APOA5: variants seen among roughly 807,000 people sequenced by gnomAD.
APOA5 encodes apolipoprotein A5.
A neutral mutation model predicts 31.8 loss-of-function variants in APOA5; 26 were observed. That is an observed-to-expected ratio of 0.82 (90% CI 0.60 to 1.13). The LOEUF (loss-of-function observed/expected upper bound fraction) is 1.13. Ranked by LOEUF, APOA5 falls within the 50% of genes most tolerant of loss-of-function variation. The pLI is 0.00. For synonymous variants in APOA5, 186 were observed against 198.5 expected (o/e 0.94, Z 0.53); for missense variants, 450 against 488.0 (o/e 0.92, Z 0.73).
chr11:116,791,548 T>TCC (rs1426456014), intron 2 of APOA5, 38 bp downstream of exon 2: 27 of 1,558,664 alleles, frequency 1.7e-5, no homozygotes, highest in Non-Finnish European at 2.3e-5. Context: ...CCCAGCTGTC[T>TCC]CCTCCCTTCG....
In APOA5 at chr11:116,790,953, C is replaced by T. The variant is rs1197451972; in HGVS notation, c.276G>A (p.Met92Ile). The change falls in exon 3 of 3, where the codon ATG becomes ATA. Residue 92 changes from methionine to isoleucine, a missense_variant. By Grantham distance (10) the Met-to-Ile change is conservative. Transcript: ENST00000227665. ...APRLPQDPVG[M>I]RRQLQEELEE... ...CCAACTCCTCCTGCAGCTGCCGCCGCATGCCCACCGGGTCCTGTGGGAGCC... is the reference window on the plus strand; with the variant it reads ...CCAACTCCTCCTGCAGCTGCCGCCGTATGCCCACCGGGTCCTGTGGGAGCC... 2 of 1,613,276 alleles carry T rather than the reference C, an allele frequency of 1.2e-6. No homozygotes were observed. Among genetic ancestry groups the T allele is most frequent in the South Asian group, 2.2e-5 (2 of 91,078 alleles).
Position 116,790,285 on chromosome 11 carries a change from G to A in APOA5, c.944C>T (p.Ala315Val), listed in dbSNP as rs143292359. ...GGCACTGTGGCCTGGTGGAGGTGGC[G>A]CCAGCTGCTGCTGGACCTCCTCAGT... is the stretch of plus-strand genomic sequence containing the variant. ...QETEEVQQQL[A>V]PPPPGHSAFA... Residue 315 changes from alanine to valine, a missense_variant, in exon 3 of 3, where the codon GCG (alanine) becomes GTG (valine). By Grantham distance (64) the Ala-to-Val change is moderately conservative. Coordinates refer to ENST00000227665, the MANE Select transcript of APOA5 (RefSeq NM_001371904.1). 882 of 1,614,258 alleles carry A rather than the reference G, an allele frequency of 5.5e-4. 1 individual carries two copies. Among genetic ancestry groups the A allele is most frequent in the Non-Finnish European group, 5.9e-4 (693 of 1,180,042 alleles).
At position 116,789,845 on chromosome 11, in the gene APOA5, C is replaced by T. The variant is rs971816796; in HGVS notation, c.*283G>A. 1.9e-6 allele frequency: 1 copy of T among 528,708 alleles called. No homozygotes were observed. Among genetic ancestry groups the T allele is most frequent in the Middle Eastern group, 5.2e-4 (1 of 1,908 alleles). The allele number at this position is 528,708 out of a possible 1,614,324, so 32.8% of individuals were successfully genotyped here. On this transcript the variant is annotated 3_prime_UTR_variant, in exon 3 of 3. Coordinates refer to ENST00000227665, the MANE Select transcript of APOA5 (RefSeq NM_001371904.1). ...TCACCCACATGCATGGTGCCTCTCC[C>T]TCCCTACTCCCTCACCCTTGAATGG...
At chr11:116,792,253 G>A (rs919792171), upstream of APOA5, 67 of 333,384 alleles carry the variant, frequency 2.0e-4, 2 homozygotes, top group South Asian at 1.5e-3. Flanking sequence ...TAATGAGGGC[G>A]AAGAGGCAAC....
At chr11:116,791,557 C>G in intron 2 of APOA5, 29 bp downstream of exon 2, 1 of 1,572,612 alleles carries the variant, frequency 6.4e-7, no homozygotes, top group African/African-American at 1.4e-5. Flanking sequence ...CTCCTCCCTT[C>G]GCCTACACCC....
chr11:116,790,192 T>A lies in APOA5; in HGVS notation c.1037A>T (p.Asp346Val), dbSNP rs1290885600. The change falls in exon 3 of 3, where the codon GAC becomes GTC. Residue 346 changes from aspartate (D) to valine (V), a missense_variant. Coordinates refer to ENST00000227665, the MANE Select transcript of APOA5 (RefSeq NM_001371904.1). Reference protein sequence around the residue: ...VLSKLQARLDDLWEDITHSLH... With the variant: ...VLSKLQARLDVLWEDITHSLH... ...GCTGTGAGTGATGTCTTCCCACAGG[T>A]CATCCAGACGGGCCTGCAGCTTGCT... 1.2e-6 allele frequency: 2 copies of A among 1,614,226 alleles called. No homozygotes were observed. The highest frequency in any genetic ancestry group is 3.3e-5 in the Admixed American group (2 of 60,034).
Position 116,790,584 on chromosome 11 carries a change from C to A in APOA5, c.645G>T (p.Pro215=). 6.3e-7 allele frequency: 1 copy of A among 1,598,928 alleles called. No homozygotes were observed. Among genetic ancestry groups the A allele is most frequent in the Non-Finnish European group, 8.5e-7 (1 of 1,177,276 alleles). ...GGCGCGCGGGGCTGGCGGGGGCGTG[C>A]GGAGCCACACTGCGGTGCAGCTCCT... is the stretch of plus-strand genomic sequence containing the variant. ...HVQELHRSVA[P]HAPASPARLS... is the part of the protein sequence containing the mutation. The change falls in exon 3 of 3, where the codon CCG becomes CCT. Residue 215 remains proline (P), a synonymous_variant. Transcript: ENST00000227665.
In APOA5 at chr11:116,791,073, G is replaced by A; in HGVS notation, c.162-6C>T. The A allele has an allele frequency of 1.9e-6, 3 of 1,604,022 alleles. No individual in the cohort carries two copies. The highest frequency in any genetic ancestry group is 2.6e-6 in the Non-Finnish European group (3 of 1,175,990). On this transcript the variant is annotated splice_polypyrimidine_tract_variant and splice_region_variant and intron_variant, in intron 2 of 2. Transcript: ENST00000227665. ...CAAGGCTGTCTTTCAGGGTCCTGGA[G>A]AAGGGGACAGATATCCAGGCCGTCA...
At chr11:116,791,565 C>G in intron 2 of APOA5, 21 bp downstream of exon 2, 3 of 1,582,940 alleles carry the variant, frequency 1.9e-6, no homozygotes, top group Non-Finnish European at 2.6e-6. Context: ...TTCGCCTACA[C>G]CCCTTCCCCT....
intron 2 of APOA5, 71 bp from the exon 3 acceptor site, chr11:116,791,138 C>G (rs768967597): frequency 1.5e-6 from 2 of 1,331,192 alleles, no homozygotes; most frequent in Non-Finnish European, 2.1e-6. Flanking sequence ...CCCAAGTCAT[C>G]GCGCACTGAT....
Position 116,790,359 on chromosome 11 carries a change from C to T in APOA5, c.870G>A (p.Gln290=). The change falls in exon 3 of 3, where the codon CAG becomes CAA. Residue 290 remains glutamine (Q), a synonymous_variant. Transcript: ENST00000227665. The part of the protein sequence containing the change: ...EVRQRLQAFR[Q]DTYLQIAAFT... ...AGGCAGCTATCTGCAGGTAGGTGTC[C>T]TGGCGGAAAGCCTGAAGTCGCTGGC... 1 of 1,613,824 alleles carries T rather than the reference C, an allele frequency of 6.2e-7. No homozygotes were observed. Among genetic ancestry groups the T allele is most frequent in the South Asian group, 1.1e-5 (1 of 91,092 alleles).
Position 116,789,937 on chromosome 11 carries a change from G to A in APOA5, c.*191C>T, listed in dbSNP as rs188133936. 1.5e-3 allele frequency: 932 copies of A among 637,576 alleles called. 6 individuals carry two copies. Among genetic ancestry groups the A allele is most frequent in the Non-Finnish European group, 4.5e-4 (163 of 360,790 alleles). The allele number at this position is 637,576 out of a possible 1,614,324, so 39.5% of individuals were successfully genotyped here. A position where few individuals can be genotyped will look rare whatever the true frequency, so the allele number is the denominator to read the frequency against. On this transcript the variant is annotated 3_prime_UTR_variant, in exon 3 of 3. Transcript: ENST00000227665. ...GTTTGCAAAGCCTGGTGAATGTAAT[G>A]CATCCAGATTGGGGAGTCGCAGGAG...
At position 116,790,773 on chromosome 11, in the gene APOA5, G is replaced by A. The variant is rs990876386; in HGVS notation, c.456C>T (p.Arg152=). The change falls in exon 3 of 3, where the codon CGC becomes CGT. Residue 152 remains arginine (R), a synonymous_variant. Coordinates refer to ENST00000227665, the MANE Select transcript of APOA5 (RefSeq NM_001371904.1). ...GGGCCTTGGTGTCTTCCCCCACCAC[G>A]CGCAACTGCTCCTGCAGCTCCTGCA... ...LRVQELQEQL[R]VVGEDTKAQL... 2 of 1,613,310 alleles carry A rather than the reference G, an allele frequency of 1.2e-6. No homozygotes were observed. Among genetic ancestry groups the A allele is most frequent in the Non-Finnish European group, 1.7e-6 (2 of 1,179,960 alleles).
At chr11:116,792,288 G>A (rs556158706), upstream of APOA5, 28 of 303,636 alleles carry the variant, frequency 9.2e-5, no homozygotes, top group Non-Finnish European at 1.5e-4. Flanking sequence ...CCAAGAGGAC[G>A]TCTTAGGGGC....
chr11:116,790,735 C>G lies in APOA5; in HGVS notation c.494G>C (p.Gly165Ala), dbSNP rs1246031494. ...GEDTKAQLLGGVDEAWALLQG... is the reference protein window; with the variant it reads ...GEDTKAQLLGAVDEAWALLQG... ...CAGCAAAGCCCAAGCCTCGTCCACG[C>G]CCCCCAGCAACTGGGCCTTGGTGTC... is the stretch of plus-strand genomic sequence containing the variant. Residue 165 changes from glycine to alanine, a missense_variant, in exon 3 of 3, where the codon GGC becomes GCC. Coordinates refer to ENST00000227665, the MANE Select transcript of APOA5 (RefSeq NM_001371904.1). 8 of 1,612,798 alleles carry G rather than the reference C, an allele frequency of 5.0e-6. No individual in the cohort carries two copies. Among genetic ancestry groups the G allele is most frequent in the Non-Finnish European group, 5.9e-6 (7 of 1,179,952 alleles).
rs1565324336 is a variant in APOA5, at chr11:116,790,118, A to G, written c.*10T>C. The G allele has an allele frequency of 1.2e-6, 2 of 1,613,604 alleles. No individual in the cohort carries two copies. Among genetic ancestry groups the G allele is most frequent in the African/African-American group, 2.7e-5 (2 of 75,054 alleles). ...CAAGGAGCTGGGAATGGGCCTGGGCAGGTAGATCCTCAGGGGTCCCCCAGA... is the reference window on the plus strand; with the variant it reads ...CAAGGAGCTGGGAATGGGCCTGGGCGGGTAGATCCTCAGGGGTCCCCCAGA... On this transcript the variant is annotated 3_prime_UTR_variant, in exon 3 of 3. Transcript: ENST00000227665.
intron 1 of APOA5, 29 bp from the exon 2 acceptor site, chr11:116,791,726 C>T: frequency 6.2e-7 from 1 of 1,610,356 alleles, no homozygotes; most frequent in Non-Finnish European, 8.5e-7. Flanking sequence ...TAATCAGGGC[C>T]TGGGCTCTCC....
At chr11:116,791,317 T>C (rs1941006654) in intron 2 of APOA5, 1 of 704,526 alleles carries the variant, frequency 1.4e-6, no homozygotes, top group African/African-American at 1.7e-5. Flanking sequence ...CCTTTGATTC[T>C]GGGGACTGCA....
At position 116,791,704 on chromosome 11, in the gene APOA5, A is replaced by C. The variant is rs756450584; in HGVS notation, c.50-7T>G. Reference sequence around the variant, plus strand: ...GCCTGGGTGGCCGAAAACGCTGTGGAGAGGGACTAGGTAATCAGGGCCTGG... The same window carrying C: ...GCCTGGGTGGCCGAAAACGCTGTGGCGAGGGACTAGGTAATCAGGGCCTGG... On this transcript the variant is annotated splice_polypyrimidine_tract_variant and splice_region_variant and intron_variant, in intron 1 of 2. Transcript: ENST00000227665. The C allele has an allele frequency of 6.2e-7, 1 of 1,608,826 alleles. No homozygotes were observed. Among genetic ancestry groups the C allele is most frequent in the Non-Finnish European group, 8.5e-7 (1 of 1,177,542 alleles).
Sources: gnomAD v4.1 joint callset for allele counts on GRCh38, gnomAD v4.1.1 for gene constraint, MANE v1.5 for transcripts, NCBI Gene and HGNC (gene_info 2026-07-23, HGNC 2026-07-21) for gene names.